The following HHIPL1 variants were observed in gnomAD, a reference collection of about 807,000 sequenced individuals.
HHIPL1 encodes HHIP-like protein 1.
A neutral mutation model predicts 61.8 loss-of-function variants in HHIPL1; 43 were observed. That is an observed-to-expected ratio of 0.70 (90% CI 0.55 to 0.90). HHIPL1 has a LOEUF of 0.90. Among genes scored for constraint, HHIPL1 ranks in the 40% least tolerant of loss-of-function variants. The probability of loss-of-function intolerance (pLI) is 0.00; values close to 1 mark genes in which losing one functional copy is unlikely to be tolerated. For synonymous variants in HHIPL1, 482 were observed against 515.8 expected, an observed-to-expected ratio of 0.93 and a Z score of 0.89; for missense variants, 1,056 against 1,157.7, an observed-to-expected ratio of 0.91 and a Z score of 1.28.
At chr14:99,622,816 G>A in the HHIPL1 span, among the ~76,000 whole-genome samples, 65 of 152,314 alleles carry the variant, frequency 4.3e-4, no homozygotes, top group African/African-American at 1.1e-3. Flanking sequence ...CACTTTCCTC[G>A]TCTGTAAAAT....
At chr14:99,621,908 G>A in the HHIPL1 span, among the ~76,000 whole-genome samples, 1 of 151,580 alleles carries the variant, frequency 6.6e-6, no homozygotes, top group African/African-American at 2.4e-5. Flanking sequence ...GCAGAGACTG[G>A]GTTTCACCGT....
At position 99,675,381 on chromosome 14, in the gene HHIPL1, G is replaced by T. The variant is rs1028950985; in HGVS notation, c.2104G>T (p.Asp702Tyr). Residue 702 changes from aspartate (D) to tyrosine (Y), a missense_variant, in exon 9 of 9, where the codon GAC becomes TAC. Physicochemically the swap from Asp to Tyr is radical, Grantham distance 160. Coordinates refer to ENST00000330710, the MANE Select transcript of HHIPL1 (RefSeq NM_001127258.3). This position sits in a 1 kb window ranked among gnomAD's most constrained non-coding sequence, Gnocchi z 5.4. ...VGGRWGTVCD[D>Y]SWNISGAAVV... Reference sequence around the variant, plus strand: ...CGGACGCTGGGGCACCGTGTGCGACGACTCCTGGAACATCAGCGGCGCCGC... The same window carrying T: ...CGGACGCTGGGGCACCGTGTGCGACTACTCCTGGAACATCAGCGGCGCCGC... 29 of 1,516,024 alleles carry T rather than the reference G, an allele frequency of 1.9e-5. No individual in the cohort carries two copies. The Admixed American group carries it at 5.8e-4, about 30-fold the overall frequency. 93.9% of individuals were successfully genotyped at this position (1,516,024 alleles called of 1,614,324 possible).
At chr14:99,609,910 C>T in the HHIPL1 span, among the ~76,000 whole-genome samples, 1 of 152,194 alleles carries the variant, frequency 6.6e-6, no homozygotes, top group Non-Finnish European at 1.5e-5. Flanking sequence ...AGAGATCTGG[C>T]CAGACTTGTG....
At chr14:99,611,776 CCTT>C in the HHIPL1 span, among the ~76,000 whole-genome samples, 4 of 151,722 alleles carry the variant, frequency 2.6e-5, no homozygotes, top group Non-Finnish European at 5.9e-5. Flanking sequence ...GCCCTGTGGA[CCTT>C]CTTATACGCG....
the HHIPL1 span, among the ~76,000 whole-genome samples, chr14:99,618,879 CCT>C: frequency 6.6e-6 from 1 of 152,212 alleles, no homozygotes; most frequent in Non-Finnish European, 1.5e-5. Context: ...GGAGCTAACT[CCT>C]CTCTACAGAG....
At chr14:99,650,155 A>G (rs1177527235) in intron 1 of HHIPL1, among the ~76,000 whole-genome samples, 5 of 152,230 alleles carry the variant, frequency 3.3e-5, no homozygotes, top group Non-Finnish European at 5.9e-5. Flanking sequence ...AGCCACAATC[A>G]TGTCACAGGA....
At chr14:99,673,630 TGCACTGAGGGGGATGGCATGGAGGGGG>T (rs2056349043) in intron 8 of HHIPL1, among the ~76,000 whole-genome samples, 1 of 5,490 alleles carries the variant, frequency 1.8e-4, no homozygotes, top group Non-Finnish European at 3.5e-4. Context: ...CTGGAGGGGG[TGCACTGAGGGGGATGGCATGGAGGGGG>T]GGTGCACTGA....
At chr14:99,625,074 G>A in the HHIPL1 span, 2 of 152,266 alleles carry the variant, frequency 1.3e-5, no homozygotes, top group African/African-American at 4.8e-5. Flanking sequence ...GCAGCCGCAG[G>A]AACCTTTCAT....
Position 99,659,648 on chromosome 14 carries a change from A to C in HHIPL1, c.1267A>C (p.Asn423His). 1 of 1,551,830 alleles carries C rather than the reference A, an allele frequency of 6.4e-7. No homozygotes were observed. The highest frequency in any genetic ancestry group is 8.7e-7 in the Non-Finnish European group (1 of 1,153,484). ...GRLFCGDVGQ[N>H]KFEEVDVVER... ...CCTCTTCTGCGGCGACGTGGGCCAG[A>C]ACAAGTTCGAGGAGGTGGACGTGGT... is the stretch of plus-strand genomic sequence containing the variant. Residue 423 changes from asparagine to histidine, a missense_variant, in exon 4 of 9, where the codon AAC becomes CAC. Transcript: ENST00000330710.
At position 99,677,507 on chromosome 14, in the gene HHIPL1, G is replaced by C. The variant is rs370268465; in HGVS notation, c.*1881G>C. 2 of 152,318 alleles carry C rather than the reference G, an allele frequency of 1.3e-5. No individual in the cohort carries two copies. Among genetic ancestry groups the C allele is most frequent in the East Asian group, 1.9e-4 (1 of 5,192 alleles). 9.4% of individuals were successfully genotyped at this position (152,318 alleles called of 1,614,324 possible). On this transcript the variant is annotated 3_prime_UTR_variant, in exon 9 of 9. Transcript: ENST00000330710. This position sits in a 1 kb window ranked among gnomAD's most constrained non-coding sequence, Gnocchi z 4.3. Reference sequence around the variant, plus strand: ...TTCCTGGGATGCAGGGGAGTTCTGAGCTCTGACGCCGGGCGTGTTAGGAGA... The same window carrying C: ...TTCCTGGGATGCAGGGGAGTTCTGACCTCTGACGCCGGGCGTGTTAGGAGA...
the HHIPL1 span, among the ~76,000 whole-genome samples, chr14:99,638,636 A>AG: frequency 6.6e-6 from 1 of 152,090 alleles, no homozygotes; most frequent in African/African-American, 2.4e-5. Context: ...CCCACTCAAG[A>AG]GATAGGGAAA....
chr14:99,623,757 T>G, the HHIPL1 span, among the ~76,000 whole-genome samples: 1 of 152,100 alleles, frequency 6.6e-6, no homozygotes, highest in Non-Finnish European at 1.5e-5. Flanking sequence ...GGCTCCTGCC[T>G]GCAGCAGGCA....
the HHIPL1 span, among the ~76,000 whole-genome samples, chr14:99,627,942 C>G: frequency 6.6e-5 from 10 of 152,244 alleles, no homozygotes; most frequent in African/African-American, 2.4e-4. The surrounding 1 kb of genome is among the most constrained non-coding windows in gnomAD (Gnocchi z 4.4). Context: ...GAATGCATGG[C>G]CAACAATCTG....
intron 2 of HHIPL1, among the ~76,000 whole-genome samples, chr14:99,656,309 G>A (rs781589495): frequency 1.1e-4 from 16 of 152,128 alleles, no homozygotes; most frequent in Admixed American, 8.5e-4. Flanking sequence ...AGGCCAGAAC[G>A]AGAAGACTTG....
rs2056408176 is a variant in HHIPL1 at position 99,678,091 on chromosome 14, T to C, written c.*2465T>C. ...AGATTCTCATAAGGAGTTCACAGCC[T>C]AGATCCCTCGCATGCACAGTTCATA... On this transcript the variant is annotated 3_prime_UTR_variant, in exon 9 of 9. Coordinates refer to ENST00000330710, the MANE Select transcript of HHIPL1 (RefSeq NM_001127258.3). The C allele has an allele frequency of 6.6e-6, 1 of 152,266 alleles. No individual in the cohort carries two copies. Among genetic ancestry groups the C allele is most frequent in the East Asian group, 1.9e-4 (1 of 5,198 alleles). 9.4% of individuals were successfully genotyped at this position (152,266 alleles called of 1,614,324 possible).
At chr14:99,649,713 T>C (rs1345362481) in intron 1 of HHIPL1, among the ~76,000 whole-genome samples, 2 of 152,174 alleles carry the variant, frequency 1.3e-5, no homozygotes, top group African/African-American at 4.8e-5. Flanking sequence ...GGAGGATCGT[T>C]AGAGCCCAGG....
chr14:99,641,662 C>T (rs537145534), upstream of HHIPL1, among the ~76,000 whole-genome samples: 26 of 152,226 alleles, frequency 1.7e-4, no homozygotes, highest in Admixed American at 1.5e-3. Flanking sequence ...GATCCACCTG[C>T]CTCAGCCTCT....
At chr14:99,615,862 C>A in the HHIPL1 span, among the ~76,000 whole-genome samples, 1 of 152,164 alleles carries the variant, frequency 6.6e-6, no homozygotes, top group East Asian at 1.9e-4. Flanking sequence ...CACGGATTCC[C>A]TTGGTAGGAG....
chr14:99,656,078 T>C (rs1382536644), intron 2 of HHIPL1, among the ~76,000 whole-genome samples: 1 of 152,174 alleles, frequency 6.6e-6, no homozygotes, highest in East Asian at 1.9e-4. Flanking sequence ...CTGAGTAGGG[T>C]GAGTGTGGCG....
Sources: allele counts gnomAD v4.1 joint callset (sites outside exome capture counted in the v4.1 genomes callset), GRCh38; gene constraint gnomAD v4.1.1; non-coding constraint Gnocchi (gnomAD v3.1); transcripts MANE v1.5; gene names NCBI Gene and HGNC (gene_info 2026-07-23, HGNC 2026-07-21).